FHIT: variants seen among roughly 807,000 people sequenced by gnomAD.
FHIT encodes fragile histidine triad diadenosine triphosphatase, also known as bis(5'-adenosyl)-triphosphatase.
FHIT carries 19 observed loss-of-function variants against 17.9 expected under a neutral mutation model. The observed-to-expected ratio is 1.06, with a 90% CI of 0.74 to 1.56. FHIT has a LOEUF of 1.56. FHIT is among the 40% of genes most tolerant of loss of function. The pLI is 0.00. For missense variants in FHIT, 248 were observed against 189.2 expected (o/e 1.31, Z -1.82); for synonymous variants, 81 against 69.7 (o/e 1.16, Z -0.81).
chr3:60,044,832 A>G (rs1469853280), intron 5 of FHIT, among the ~76,000 whole-genome samples: 1 of 152,106 alleles, frequency 6.6e-6, no homozygotes, highest in African/African-American at 2.4e-5. Flanking sequence ...CAGTGCAAGA[A>G]ACCTGGGGAG....
rs369176881 is a variant in FHIT at position 60,983,077 on chromosome 3, TA to T, written c.-111+58969del. ...AGGACTCCTTGCCTTCTTGGACAGA[TA>T]TTTAACTAAGTAACCTCTGATGGCT... On this transcript the variant is annotated intron_variant, in intron 3 of 9. Transcript: ENST00000492590. 5.8e-4 allele frequency among the ~76,000 whole-genome samples: 89 copies of T among 152,232 alleles called. 1 individual carries two copies. The South Asian group carries it at 0.011, about 19-fold the overall frequency.
intron 3 of FHIT, among the ~76,000 whole-genome samples, chr3:60,903,952 C>A (rs1380614796): frequency 6.6e-6 from 1 of 152,140 alleles, no homozygotes; most frequent in Non-Finnish European, 1.5e-5. Context: ...AAAAGACAGG[C>A]CTAGCCCTTT....
intron 5 of FHIT, among the ~76,000 whole-genome samples, chr3:60,083,288 G>T (rs1703365230): frequency 6.6e-6 from 1 of 151,950 alleles, no homozygotes; most frequent in African/African-American, 2.4e-5. Context: ...TTTATTTCTG[G>T]GTTTTTTATT....
Position 60,975,404 on chromosome 3 carries a change from T to C in FHIT, c.-111+66643A>G, listed in dbSNP as rs569895830. Reference sequence around the variant, plus strand: ...TGAAATATTTTCTCCTCTGAAAATATGCCCAGTTAATGTATGCTGAACTTG... The same window carrying C: ...TGAAATATTTTCTCCTCTGAAAATACGCCCAGTTAATGTATGCTGAACTTG... On this transcript the variant is annotated intron_variant, in intron 3 of 9. Transcript: ENST00000492590. Among the ~76,000 whole-genome samples the C allele has an allele frequency of 5.3e-5, 8 of 152,344 alleles. No homozygotes were observed. The South Asian group carries it at 1.7e-3, about 32-fold the overall frequency.
intron 1 of FHIT, among the ~76,000 whole-genome samples, chr3:61,219,518 A>T (rs185358306): frequency 6.6e-5 from 10 of 152,250 alleles, no homozygotes; most frequent in African/African-American, 2.4e-4. Flanking sequence ...AAGGATCTAA[A>T]CTACAGGCCA....
intron 4 of FHIT, among the ~76,000 whole-genome samples, chr3:60,630,956 AC>A (rs782767550): frequency 0.12 from 10,058 of 85,042 alleles, 398 homozygotes; most frequent in Admixed American, 0.15. Context: ...AAAAAAAAAA[AC>A]ACACAGAAAT....
intron 8 of FHIT, among the ~76,000 whole-genome samples, chr3:59,897,127 G>T (rs907029272): frequency 2.0e-5 from 3 of 152,164 alleles, no homozygotes; most frequent in African/African-American, 7.2e-5. Flanking sequence ...TAGTCTTGGG[G>T]TATCTGTGTC....
intron 5 of FHIT, among the ~76,000 whole-genome samples, chr3:60,441,783 A>ATGTGTGTGTGTGT (rs1345764875): frequency 2.1e-4 from 5 of 23,982 alleles, no homozygotes; most frequent in South Asian, 5.4e-3. Context: ...TATGTATAAA[A>ATGTGTGTGTGTGT]ATATATATAT....
At chr3:60,753,871 C>T (rs1229528233) in intron 4 of FHIT, among the ~76,000 whole-genome samples, 2 of 151,962 alleles carry the variant, frequency 1.3e-5, no homozygotes, top group East Asian at 3.9e-4. Flanking sequence ...TTTACAATTT[C>T]CATAGGAAAT....
chr3:60,856,788 C>A (rs1703404379), intron 3 of FHIT, among the ~76,000 whole-genome samples: 1 of 152,050 alleles, frequency 6.6e-6, no homozygotes, highest in Non-Finnish European at 1.5e-5. Context: ...TCTCTATGCT[C>A]CCACCTGACA....
At chr3:60,063,494 A>G (rs972311599) in intron 5 of FHIT, among the ~76,000 whole-genome samples, 4 of 152,178 alleles carry the variant, frequency 2.6e-5, no homozygotes, top group African/African-American at 9.7e-5. Context: ...TCCCTCCCTT[A>G]ATAAAAGCAG....
At chr3:61,187,417 C>T (rs1302328736) in intron 2 of FHIT, among the ~76,000 whole-genome samples, 6 of 151,968 alleles carry the variant, frequency 3.9e-5, no homozygotes, top group Admixed American at 2.6e-4. Flanking sequence ...ACAGGAGCAC[C>T]CAGATTCATA....
chr3:60,909,037 T>G (rs1239244982), intron 3 of FHIT, among the ~76,000 whole-genome samples: 1 of 152,158 alleles, frequency 6.6e-6, no homozygotes, highest in African/African-American at 2.4e-5. Flanking sequence ...ATACTCAACA[T>G]GTACTTCCAG....
intron 5 of FHIT, among the ~76,000 whole-genome samples, chr3:60,031,499 A>G (rs1412031541): frequency 6.6e-6 from 1 of 152,192 alleles, no homozygotes; most frequent in African/African-American, 2.4e-5. Flanking sequence ...TTCCAATTCC[A>G]TTTTTGCCAC....
intron 7 of FHIT, among the ~76,000 whole-genome samples, chr3:59,962,833 AAAT>A (rs1355591983): frequency 6.6e-6 from 1 of 152,256 alleles, no homozygotes; most frequent in Non-Finnish European, 1.5e-5. Context: ...ACAATAAATG[AAAT>A]AATAATAGAA....
intron 4 of FHIT, among the ~76,000 whole-genome samples, chr3:60,760,745 A>C (rs1553719609): frequency 6.6e-6 from 1 of 152,104 alleles, no homozygotes; most frequent in Non-Finnish European, 1.5e-5. Context: ...ATTATGAAGA[A>C]ATTCCAAATG....
intron 4 of FHIT, among the ~76,000 whole-genome samples, chr3:60,801,845 T>C (rs1362198889): frequency 6.6e-6 from 1 of 152,202 alleles, no homozygotes; most frequent in African/African-American, 2.4e-5. Context: ...AATATGTGTG[T>C]AGCACAAAGT....
intron 7 of FHIT, among the ~76,000 whole-genome samples, chr3:59,980,180 C>T (rs986812753): frequency 3.9e-4 from 60 of 152,276 alleles, no homozygotes; most frequent in African/African-American, 1.4e-3. Flanking sequence ...ACTAAATTAA[C>T]TCACCTTTCC....
chr3:61,203,288 G>C (rs1225775796), intron 1 of FHIT, among the ~76,000 whole-genome samples: 1 of 151,694 alleles, frequency 6.6e-6, no homozygotes, highest in South Asian at 2.1e-4. Flanking sequence ...GGCAGAGGTT[G>C]CAGTGAGCTG....
Sources: allele counts gnomAD v4.1 joint callset (sites outside exome capture counted in the v4.1 genomes callset), GRCh38; gene constraint gnomAD v4.1.1; transcripts MANE v1.5; gene names NCBI Gene and HGNC (gene_info 2026-07-23, HGNC 2026-07-21).